Variants in FMN1 observed in about 807,000 individuals in gnomAD.
The protein encoded by FMN1 is formin-1.
A neutral mutation model predicts 132.4 loss-of-function variants in FMN1; 110 were observed. The ratio of observed to expected loss-of-function variants is 0.83; its 90% CI spans 0.71 to 0.97. The LOEUF (loss-of-function observed/expected upper bound fraction) is 0.97, where lower values mean the gene tolerates loss of function less well. Among genes scored for constraint, FMN1 ranks in the 50% least tolerant of loss-of-function variants. The probability of loss-of-function intolerance (pLI) is 0.00; values close to 1 mark genes in which losing one functional copy is unlikely to be tolerated. For missense variants in FMN1, 1,792 were observed against 1,705.3 expected, an observed-to-expected ratio of 1.05 and a Z score of -0.90; for synonymous variants, 722 against 651.7, an observed-to-expected ratio of 1.11 and a Z score of -1.64.
At chr15:32,976,658 C>T (rs2032228994) in intron 7 of FMN1, among the ~76,000 whole-genome samples, 1 of 152,064 alleles carries the variant, frequency 6.6e-6, no homozygotes, top group South Asian at 2.1e-4. Flanking sequence ...AAACATGAGG[C>T]ACATTTGACA....
chr15:32,883,871 T>C (rs979070576), intron 16 of FMN1, among the ~76,000 whole-genome samples: 1 of 152,202 alleles, frequency 6.6e-6, no homozygotes, highest in African/African-American at 2.4e-5. Context: ...AATAAGCTCA[T>C]GTGCTTTGAA....
chr15:33,110,646 CTTT>C (rs774801972), intron 4 of FMN1, among the ~76,000 whole-genome samples: 22 of 151,220 alleles, frequency 1.5e-4, no homozygotes, highest in Non-Finnish European at 2.9e-4. Flanking sequence ...GCTTCTTTTT[CTTT>C]TTAATATTTG....
intron 17 of FMN1, among the ~76,000 whole-genome samples, chr15:32,847,137 G>A (rs916394541): frequency 6.6e-6 from 1 of 152,164 alleles, no homozygotes; most frequent in African/African-American, 2.4e-5. Context: ...ACCATCATGA[G>A]GTTGTCCTTA....
chr15:33,192,211 G>T (rs1966103832), intron 2 of FMN1, among the ~76,000 whole-genome samples: 1 of 152,162 alleles, frequency 6.6e-6, no homozygotes, highest in African/African-American at 2.4e-5. Flanking sequence ...TTTGAGGCAT[G>T]GTATATGAGA....
intron 11 of FMN1, 146 bp from the exon 12 acceptor site, chr15:32,908,724 CA>C (rs2060488820): frequency 1.7e-6 from 1 of 595,018 alleles, no homozygotes; most frequent in African/African-American, 1.9e-5. Flanking sequence ...GTCAGAAATG[CA>C]AATTATTGGC....
chr15:33,003,003 A>C (rs556836661), intron 7 of FMN1, among the ~76,000 whole-genome samples: 1 of 152,250 alleles, frequency 6.6e-6, no homozygotes, highest in Non-Finnish European at 1.5e-5. Context: ...GGCCTTTGAC[A>C]AAATTCAACA....
At chr15:32,857,187 A>G (rs1205918890) in intron 16 of FMN1, 80 bp from the exon 17 acceptor site, 10 of 1,086,442 alleles carry the variant, frequency 9.2e-6, no homozygotes, top group Non-Finnish European at 1.4e-5. Context: ...TGTGCTATGC[A>G]CTTGGCTATC....
chr15:32,948,429 A>AG lies in FMN1; in HGVS notation c.3138+15677dup, dbSNP rs201638863. On this transcript the variant is annotated intron_variant, in intron 9 of 20. Transcript: ENST00000616417. ...TTGTGCTATCAAGATTATATATACT[A>AG]GTCTTGAGTTTAATATTATTTTCTA... 6.8e-3 allele frequency among the ~76,000 whole-genome samples: 1,041 copies of AG among 152,056 alleles called. 8 individuals are homozygous for AG. The highest frequency in any genetic ancestry group is 0.024 in the African/African-American group (1,006 of 41,524).
At chr15:32,976,710 G>C (rs2032233674) in intron 7 of FMN1, among the ~76,000 whole-genome samples, 1 of 152,176 alleles carries the variant, frequency 6.6e-6, no homozygotes, top group Non-Finnish European at 1.5e-5. Context: ...TAAAGAAATA[G>C]AGAAACAGGG....
rs576813481 is a variant in FMN1, at chr15:32,811,541, A to AT, written c.3929-7210_3929-7209insA. Among the ~76,000 whole-genome samples the AT allele has an allele frequency of 6.8e-3, 1,035 of 152,184 alleles. 9 individuals carry two copies. The highest frequency in any genetic ancestry group is 0.023 in the African/African-American group (960 of 41,482). ...AGGTCTTCAGAGTCATAAAATAAAA[A>AT]AAAAAAATCCAGTTAAAAGGAGTCT... is the stretch of plus-strand genomic sequence containing the variant. On this transcript the variant is annotated intron_variant, in intron 17 of 20. Coordinates refer to ENST00000616417, the MANE Select transcript of FMN1 (RefSeq NM_001277313.2).
intron 6 of FMN1, among the ~76,000 whole-genome samples, chr15:33,026,002 C>G (rs770351919): frequency 2.6e-5 from 4 of 152,070 alleles, no homozygotes; most frequent in Non-Finnish European, 4.4e-5. Context: ...AGAGATAAAA[C>G]TGGTAATGTT....
intron 9 of FMN1, among the ~76,000 whole-genome samples, chr15:32,950,018 CAT>C (rs369942861): frequency 0.13 from 501 of 3,870 alleles, 146 homozygotes; most frequent in African/African-American, 0.23. Context: ...TATATATACA[CAT>C]ATATATATAT....
intron 3 of FMN1, among the ~76,000 whole-genome samples, chr15:33,162,927 G>T (rs924622950): frequency 6.6e-6 from 1 of 152,164 alleles, no homozygotes. Flanking sequence ...GACCAGCCTG[G>T]TCAACATAGT....
chr15:32,938,811 T>C (rs2061336965), intron 9 of FMN1, among the ~76,000 whole-genome samples: 1 of 152,226 alleles, frequency 6.6e-6, no homozygotes, highest in African/African-American at 2.4e-5. Context: ...TTCATGATTT[T>C]ATTTTGCATT....
chr15:32,819,525 T>G (rs1186911217), intron 17 of FMN1, among the ~76,000 whole-genome samples: 3 of 152,334 alleles, frequency 2.0e-5, no homozygotes, highest in African/African-American at 7.2e-5. Flanking sequence ...AAAGTGGATA[T>G]TTGACAGTTT....
rs1162035168 is a variant in FMN1, at chr15:32,773,515, G to A, written c.*795C>T. 1.3e-5 allele frequency: 2 copies of A among 152,208 alleles called. No individual in the cohort carries two copies. The highest frequency in any genetic ancestry group is 2.9e-5 in the Non-Finnish European group (2 of 68,092). The allele number at this position is 152,208 out of a possible 1,614,324, so 9.4% of individuals were successfully genotyped here. A position where few individuals can be genotyped will look rare whatever the true frequency, so the allele number is the denominator to read the frequency against. On this transcript the variant is annotated 3_prime_UTR_variant, in exon 21 of 21. Transcript: ENST00000616417. Reference sequence around the variant, plus strand: ...CACACCCAAGGCTGTGCTTGCTCAGGTATTACATTTTCTCCTGGGAGTTGG... The same window carrying A: ...CACACCCAAGGCTGTGCTTGCTCAGATATTACATTTTCTCCTGGGAGTTGG...
chr15:32,960,295 A>G (rs1043100278), intron 9 of FMN1, among the ~76,000 whole-genome samples: 2 of 152,130 alleles, frequency 1.3e-5, no homozygotes, highest in African/African-American at 2.4e-5. Flanking sequence ...TCTCGTGAGA[A>G]CTCACTCACT....
At chr15:32,860,440 C>G (rs988743315) in intron 16 of FMN1, among the ~76,000 whole-genome samples, 1 of 152,058 alleles carries the variant, frequency 6.6e-6, no homozygotes, top group East Asian at 1.9e-4. Context: ...ATCACTTGAG[C>G]CCAGGAATTT....
chr15:32,944,511 T>C (rs2061463744), intron 9 of FMN1, among the ~76,000 whole-genome samples: 1 of 152,222 alleles, frequency 6.6e-6, no homozygotes, highest in South Asian at 2.1e-4. Context: ...TTAGTCAAAC[T>C]GTTAGGTCTG....
Sources: allele counts gnomAD v4.1 joint callset (sites outside exome capture counted in the v4.1 genomes callset), GRCh38; gene constraint gnomAD v4.1.1; transcripts MANE v1.5; gene names NCBI Gene and HGNC (gene_info 2026-07-23, HGNC 2026-07-21).